Variants in KSR2 observed in about 807,000 individuals in gnomAD.
KSR2 encodes the protein kinase suppressor of ras 2.
Under a neutral mutation model 107.8 loss-of-function variants are expected in KSR2, and 25 were observed. The observed-to-expected ratio is 0.23, with a 90% confidence interval of 0.17 to 0.32. The LOEUF (loss-of-function observed/expected upper bound fraction) is 0.32. Among genes scored for constraint, KSR2 ranks in the 10% least tolerant of loss-of-function variants. The pLI, the probability that KSR2 is intolerant of heterozygous loss-of-function variation, is 1.00. For missense variants in KSR2, 887 were observed against 1,268.9 expected (o/e 0.70, Z 4.57); for synonymous variants, 480 against 507.0 (o/e 0.95, Z 0.71).
intron 18 of KSR2, among the ~76,000 whole-genome samples, 173 bp from the exon 19 acceptor site, chr12:117,469,968 C>A (rs1428296388): frequency 7.2e-6 from 1 of 138,538 alleles, no homozygotes; most frequent in Non-Finnish European, 1.6e-5. Context: ...GTCTACACAT[C>A]TACCCATCCA....
rs921161666 is a variant in KSR2, at chr12:117,907,269, G to A, written c.181-46838C>T. Among the ~76,000 whole-genome samples, 2 of 152,154 alleles carry A rather than the reference G, an allele frequency of 1.3e-5. No individual in the cohort carries two copies. The highest frequency in any genetic ancestry group is 4.8e-5 in the African/African-American group (2 of 41,428). ...TCTAGATGAGCCATTACACCAAACT[G>A]CCTTCGTTCTGGATGGGGGCGTCCT... is the stretch of plus-strand genomic sequence containing the variant. On this transcript the variant is annotated intron_variant, in intron 1 of 19. Transcript: ENST00000339824. The surrounding 1 kb of genome is among the most constrained non-coding windows in gnomAD (Gnocchi z 4.3).
At chr12:117,719,457 A>G (rs950130393) in intron 4 of KSR2, among the ~76,000 whole-genome samples, 1 of 152,138 alleles carries the variant, frequency 6.6e-6, no homozygotes, top group Non-Finnish European at 1.5e-5. Flanking sequence ...TGGCCTCCCA[A>G]AGTGCTGGGA....
intron 10 of KSR2, among the ~76,000 whole-genome samples, chr12:117,539,136 A>G (rs1453208931): frequency 6.6e-6 from 1 of 152,164 alleles, no homozygotes; most frequent in Non-Finnish European, 1.5e-5. Context: ...AACCTTCCAG[A>G]TTATCTTGTC....
chr12:117,756,275 C>A (rs1251054353), intron 4 of KSR2, among the ~76,000 whole-genome samples: 1 of 152,204 alleles, frequency 6.6e-6, no homozygotes, highest in East Asian at 1.9e-4. Context: ...GAAGTCAGTG[C>A]CTGGCTTCAA....
At chr12:117,825,364 G>A (rs1566034182) in intron 3 of KSR2, among the ~76,000 whole-genome samples, 5 of 152,178 alleles carry the variant, frequency 3.3e-5, no homozygotes, top group Admixed American at 3.3e-4. Context: ...GGCATGGCTG[G>A]GTAAATGTGT....
At chr12:117,581,134 T>G (rs1879639164) in intron 6 of KSR2, among the ~76,000 whole-genome samples, 1 of 152,218 alleles carries the variant, frequency 6.6e-6, no homozygotes, top group Admixed American at 6.5e-5. Context: ...TCTTAACAAC[T>G]ATCCTGTCAA....
At chr12:117,639,042 A>G (rs10437852) in intron 5 of KSR2, among the ~76,000 whole-genome samples, 25,229 of 152,090 alleles carry the variant, frequency 0.17, 2,191 homozygotes, top group Middle Eastern at 0.24. Flanking sequence ...CCCGGCCCTC[A>G]TTCAAATAAA....
chr12:117,899,483 T>C (rs1436146799), intron 1 of KSR2, among the ~76,000 whole-genome samples: 1 of 152,004 alleles, frequency 6.6e-6, no homozygotes, highest in Non-Finnish European at 1.5e-5. Context: ...ACAGAGACCC[T>C]GTCTCAAAAA....
chr12:117,926,057 C>T (rs557863049), intron 1 of KSR2, among the ~76,000 whole-genome samples: 12 of 152,132 alleles, frequency 7.9e-5, no homozygotes, highest in Non-Finnish European at 1.5e-4. Context: ...ATTAGCCAGG[C>T]GTGGTGGTGC....
In KSR2 at chr12:117,734,149, C is replaced by T. The variant is rs57447718; in HGVS notation, c.986+26862G>A. Among the ~76,000 whole-genome samples, 1,408 of 152,112 alleles carry T rather than the reference C, an allele frequency of 9.3e-3. 21 individuals are homozygous for T. Among genetic ancestry groups the T allele is most frequent in the African/African-American group, 0.032 (1,340 of 41,486 alleles). On this transcript the variant is annotated intron_variant, in intron 4 of 19. Coordinates refer to ENST00000339824, the MANE Select transcript of KSR2 (RefSeq NM_173598.6). ...TATAAAAATTAGTTGGGCATGGTGG[C>T]GTGTGCCTGCAGTCCCAGCTACTCG...
chr12:117,828,811 C>T (rs955684454), intron 3 of KSR2, among the ~76,000 whole-genome samples: 1 of 152,210 alleles, frequency 6.6e-6, no homozygotes, highest in Non-Finnish European at 1.5e-5. Flanking sequence ...AGGTCCTTGT[C>T]CCTTAGCTAG....
Position 117,842,916 on chromosome 12 carries a change from C to T in KSR2, c.472+12512G>A, listed in dbSNP as rs1354761841. 6.6e-6 allele frequency among the ~76,000 whole-genome samples: 1 copy of T among 152,128 alleles called. No individual in the cohort carries two copies. The highest frequency in any genetic ancestry group is 1.5e-5 in the Non-Finnish European group (1 of 68,024). The stretch of plus-strand genomic sequence containing the variant: ...AGAGGAAAACATCCTGCCCCTCCCT[C>T]CACCCCTGCCTTAGTGGGGACCAGT... On this transcript the variant is annotated intron_variant, in intron 3 of 19. Transcript: ENST00000339824. The surrounding 1 kb of genome is among the most constrained non-coding windows in gnomAD (Gnocchi z 4.2).
At chr12:117,827,874 T>C (rs919084854) in intron 3 of KSR2, among the ~76,000 whole-genome samples, 2 of 152,162 alleles carry the variant, frequency 1.3e-5, no homozygotes, top group African/African-American at 4.8e-5. Context: ...GCAAAGCTGG[T>C]TCTCAATCCT....
chr12:117,584,908 C>A (rs1175976328), intron 5 of KSR2, among the ~76,000 whole-genome samples: 1 of 152,202 alleles, frequency 6.6e-6, no homozygotes, highest in African/African-American at 2.4e-5. Flanking sequence ...CAGCCAGGCA[C>A]CTGCAGATTC....
chr12:117,502,286 C>T (rs953859297), intron 14 of KSR2, among the ~76,000 whole-genome samples: 2 of 152,132 alleles, frequency 1.3e-5, no homozygotes, highest in African/African-American at 4.8e-5. Context: ...CATTTATGTG[C>T]CCATCTATGT....
intron 1 of KSR2, among the ~76,000 whole-genome samples, chr12:117,883,438 T>C (rs1191983406): frequency 6.6e-6 from 1 of 152,178 alleles, no homozygotes; most frequent in Non-Finnish European, 1.5e-5. Context: ...GAGATAAAAT[T>C]ATGAACAAGA....
chr12:117,703,207 A>T (rs1886394159), intron 4 of KSR2, among the ~76,000 whole-genome samples: 1 of 152,206 alleles, frequency 6.6e-6, no homozygotes, highest in African/African-American at 2.4e-5. Flanking sequence ...GCCAGATCTT[A>T]GGCAAATTAT....
intron 10 of KSR2, among the ~76,000 whole-genome samples, chr12:117,536,205 G>T (rs1197086592): frequency 6.6e-6 from 1 of 152,154 alleles, no homozygotes. Context: ...CTAAGCTTTA[G>T]CTTAAATAGC....
At chr12:117,924,355 C>T (rs1400270587) in intron 1 of KSR2, among the ~76,000 whole-genome samples, 18 of 149,200 alleles carry the variant, frequency 1.2e-4, no homozygotes, top group African/African-American at 3.9e-4. Context: ...ATCATGAGGT[C>T]GGGAGTTTGA....
Sources: gnomAD v4.1 joint callset for allele counts (sites outside exome capture counted in the v4.1 genomes callset) on GRCh38, gnomAD v4.1.1 for gene constraint, Gnocchi (gnomAD v3.1) non-coding constraint, MANE v1.5 for transcripts, NCBI Gene and HGNC (gene_info 2026-07-23, HGNC 2026-07-21) for gene names.